ERCC2: variants seen among roughly 807,000 people sequenced by gnomAD.
ERCC2 encodes the protein ERCC excision repair 2, TFIIH core complex helicase subunit.
A neutral mutation model predicts 99.4 loss-of-function variants in ERCC2; 90 were observed. That is an observed-to-expected ratio of 0.91 (90% CI 0.76 to 1.08). The LOEUF (loss-of-function observed/expected upper bound fraction) is 1.08. ERCC2 is among the 50% of genes least tolerant of loss of function. The pLI, the probability that ERCC2 is intolerant of heterozygous loss-of-function variation, is 0.00. For missense variants in ERCC2, 993 were observed against 1,038.1 expected (o/e 0.96, Z 0.60); for synonymous variants, 497 against 432.4 (o/e 1.15, Z -1.85).
At chr19:45,361,163 C>T (rs1972206368) in intron 12 of ERCC2, among the ~76,000 whole-genome samples, 1 of 151,508 alleles carries the variant, frequency 6.6e-6, no homozygotes, top group South Asian at 2.1e-4. Context: ...TCTGACCTGG[C>T]ACCTTGCTTG....
Position 45,362,609 on chromosome 19 carries a change from C to A in ERCC2, c.1119-967G>T, listed in dbSNP as rs187787745. ...GCCTGGCTCCTCTAACCCCAGGCGC[C>A]TACCCCGGCTGGTCGCTAGCTGAGG... On this transcript the variant is annotated intron_variant, in intron 11 of 22. Coordinates refer to ENST00000391945, the MANE Select transcript of ERCC2 (RefSeq NM_000400.4). Among the ~76,000 whole-genome samples, 6 of 152,384 alleles carry A rather than the reference C, an allele frequency of 3.9e-5. No individual in the cohort carries two copies. In the East Asian group the frequency reaches 1.2e-3, roughly 29 times the overall value.
In ERCC2 at chr19:45,352,580, G is replaced by A. The variant is rs121913021; in HGVS notation, c.1972C>T (p.Arg658Cys). 3.0e-5 allele frequency: 49 copies of A among 1,614,044 alleles called. No individual in the cohort carries two copies. Among genetic ancestry groups the A allele is most frequent in the Middle Eastern group, 1.6e-4 (1 of 6,062 alleles). ...CGACCCACACACTGGGCCGCGTGGCGCATGGCATCGAAGGTAAGAAAGTCA... is the reference window on the plus strand; with the variant it reads ...CGACCCACACACTGGGCCGCGTGGCACATGGCATCGAAGGTAAGAAAGTCA... ...ENDFLTFDAMRHAAQCVGRAI... is the reference protein window; with the variant it reads ...ENDFLTFDAMCHAAQCVGRAI... Residue 658 changes from arginine to cysteine, a missense_variant, in exon 21 of 23, where the codon CGC becomes TGC. Coordinates refer to ENST00000391945, the MANE Select transcript of ERCC2 (RefSeq NM_000400.4).
chr19:45,369,538 C>T (rs933724513), intron 2 of ERCC2, among the ~76,000 whole-genome samples: 1 of 151,852 alleles, frequency 6.6e-6, no homozygotes, highest in Non-Finnish European at 1.5e-5. Context: ...TGTGGTGGCG[C>T]GCACCTGTAA....
In ERCC2 at chr19:45,351,700, G is replaced by C; in HGVS notation, c.2212C>G (p.Leu738Val). ...FHREDQLGLS[L>V]LSLEQLESEE... is the part of the protein sequence containing the mutation. ...GATTCTAGCTGCTCCAGGCTGAGCAGGGACAGGCCCAGCTGATCCTCCTGC... is the reference window on the plus strand; with the variant it reads ...GATTCTAGCTGCTCCAGGCTGAGCACGGACAGGCCCAGCTGATCCTCCTGC... Residue 738 changes from leucine (L) to valine (V), a missense_variant, in exon 23 of 23, where the codon CTG becomes GTG. By Grantham distance (32) the Leu-to-Val change is conservative. Coordinates refer to ENST00000391945, the MANE Select transcript of ERCC2 (RefSeq NM_000400.4). 6.2e-7 allele frequency: 1 copy of C among 1,613,910 alleles called. No homozygotes were observed. The highest frequency in any genetic ancestry group is 8.5e-7 in the Non-Finnish European group (1 of 1,180,008).
intron 16 of ERCC2, among the ~76,000 whole-genome samples, chr19:45,355,427 T>C (rs1416671147): frequency 6.6e-6 from 1 of 152,222 alleles, no homozygotes; most frequent in Non-Finnish European, 1.5e-5. Flanking sequence ...GTGACCACTG[T>C]GATCCCACCT....
chr19:45,355,062 T>C (rs914058741), intron 16 of ERCC2, among the ~76,000 whole-genome samples: 1 of 152,088 alleles, frequency 6.6e-6, no homozygotes, highest in Non-Finnish European at 1.5e-5. Flanking sequence ...GCCAATGAAA[T>C]GAGTGCAGAA....
In ERCC2 at chr19:45,364,875, C is replaced by T. The variant is rs772245022; in HGVS notation, c.557G>A (p.Arg186His). The stretch of plus-strand genomic sequence containing the variant: ...AAGGAAGTATGGGCACCAGCCCTGG[C>T]GCCGCCCCAGGGCCTTCAGGTCATC... ...NLDDLKALGR[R>H]QGWCPYFLAR... The change falls in exon 7 of 23, where the codon CGC becomes CAC. Residue 186 changes from arginine to histidine, a missense_variant. This residue lies in a region of ERCC2 where 909 missense variants were observed against 930.8 expected (regional missense o/e 0.98). Coordinates refer to ENST00000391945, the MANE Select transcript of ERCC2 (RefSeq NM_000400.4). 14 of 1,613,354 alleles carry T rather than the reference C, an allele frequency of 8.7e-6. No homozygotes were observed. The highest frequency in any genetic ancestry group is 3.3e-4 in the Middle Eastern group (2 of 6,084).
chr19:45,360,858 C>A (rs1972195663), intron 12 of ERCC2, among the ~76,000 whole-genome samples: 1 of 151,522 alleles, frequency 6.6e-6, no homozygotes, highest in African/African-American at 2.4e-5. Context: ...CTGGGCCGGG[C>A]ATGGTGGCTC....
At chr19:45,354,988 G>C in intron 16 of ERCC2, 137 bp from the exon 17 acceptor site, 2 of 1,120,756 alleles carry the variant, frequency 1.8e-6, no homozygotes, top group Non-Finnish European at 2.7e-6. Context: ...TCCTCCTCCC[G>C]GGCGTGTCTG....
chr19:45,355,769 A>G (rs1301829377), intron 15 of ERCC2, 41 bp from the exon 16 acceptor site: 3 of 1,570,316 alleles, frequency 1.9e-6, no homozygotes, highest in Non-Finnish European at 2.6e-6. Context: ...GGCAGCAGCA[A>G]CTGCTCCAGC....
Position 45,351,725 on chromosome 19 carries a change from C to A in ERCC2, c.2191-4G>T. 1 of 1,613,636 alleles carries A rather than the reference C, an allele frequency of 6.2e-7. No homozygotes were observed. Among genetic ancestry groups the A allele is most frequent in the South Asian group, 1.1e-5 (1 of 91,076 alleles). On this transcript the variant is annotated splice_region_variant and splice_polypyrimidine_tract_variant and intron_variant, in intron 22 of 22. Coordinates refer to ENST00000391945, the MANE Select transcript of ERCC2 (RefSeq NM_000400.4). Reference sequence around the variant, plus strand: ...GGGACAGGCCCAGCTGATCCTCCTGCAGAGAACAGAGGAAAGGGAGAGGGG... The same window carrying A: ...GGGACAGGCCCAGCTGATCCTCCTGAAGAGAACAGAGGAAAGGGAGAGGGG...
intron 1 of ERCC2, 140 bp from the exon 2 acceptor site, chr19:45,370,372 C>T (rs1338419457): frequency 1.5e-5 from 23 of 1,510,356 alleles, no homozygotes; most frequent in Admixed American, 4.1e-5. Flanking sequence ...CCTCGGGGCC[C>T]CCTCAGTGTC....
At position 45,369,010 on chromosome 19, in the gene ERCC2, A is replaced by G. The variant is rs1972519714; in HGVS notation, c.184-18T>C. The G allele has an allele frequency of 6.2e-7, 1 of 1,613,900 alleles. No homozygotes were observed. The highest frequency in any genetic ancestry group is 1.1e-5 in the South Asian group (1 of 91,080). On this transcript the variant is annotated intron_variant, in intron 3 of 22. Coordinates refer to ENST00000391945, the MANE Select transcript of ERCC2 (RefSeq NM_000400.4). ...GGATATGCCTGCCGATAACAAGCGG[A>G]CTCAGTCCCTGTCCCGCCCCTTCCT...
chr19:45,353,425 T>G (rs1208000304), intron 17 of ERCC2, 91 bp from the exon 18 acceptor site: 2 of 824,108 alleles, frequency 2.4e-6, no homozygotes, highest in Non-Finnish European at 4.1e-6. Flanking sequence ...CATCACCATG[T>G]CTCTGGGCCT....
chr19:45,370,519 C>G lies in ERCC2; in HGVS notation c.5+17G>C, dbSNP rs952870745. On this transcript the variant is annotated intron_variant, in intron 1 of 22. Transcript: ENST00000391945. ...CCCGCGCCCGCTAGCGAGCGCGACCCCCAGCCCCCTTCTCACTTCATGGCG... is the reference window on the plus strand; with the variant it reads ...CCCGCGCCCGCTAGCGAGCGCGACCGCCAGCCCCCTTCTCACTTCATGGCG... 1 of 1,587,874 alleles carries G rather than the reference C, an allele frequency of 6.3e-7. No homozygotes were observed. The highest frequency in any genetic ancestry group is 1.7e-5 in the Admixed American group (1 of 58,450).
chr19:45,365,189 C>A, intron 5 of ERCC2, 31 bp from the exon 6 acceptor site: 1 of 1,573,608 alleles, frequency 6.4e-7, no homozygotes, highest in Non-Finnish European at 8.7e-7. Context: ...AGCACCCAGA[C>A]AGGGTGGAAA....
intron 12 of ERCC2, chr19:45,358,361 G>A: frequency 5.1e-6 from 1 of 195,600 alleles, no homozygotes; most frequent in Non-Finnish European, 1.1e-5. Flanking sequence ...AAGCCGGGCA[G>A]CTCTGCCTCC....
chr19:45,352,912 G>T (rs1971865944), intron 19 of ERCC2, 96 bp from the exon 20 acceptor site: 3 of 1,311,080 alleles, frequency 2.3e-6, no homozygotes. Flanking sequence ...TCTGAGTTGG[G>T]GGGAGAGGGT....
At position 45,364,004 on chromosome 19, in the gene ERCC2, G is replaced by GCAGCACGGGGTTGGC. The variant is rs1430013949; in HGVS notation, c.916_930dup (p.Ala306_Leu310dup). 3 of 1,545,496 alleles carry GCAGCACGGGGTTGGC rather than the reference G, an allele frequency of 1.9e-6. No individual in the cohort carries two copies. The Admixed American group carries it at 5.9e-5, about 30-fold the overall frequency. On this transcript the variant is annotated inframe_insertion, in exon 10 of 23. Coordinates refer to ENST00000391945, the MANE Select transcript of ERCC2 (RefSeq NM_000400.4). ...GGCTCACCCTGCAGCACTTCGTCGG[G>GCAGCACGGGGTTGGC]CAGCACGGGGTTGGCCAGGTGGGCG...
Sources: gnomAD v4.1 joint callset for allele counts (sites outside exome capture counted in the v4.1 genomes callset) on GRCh38, gnomAD v4.1.1 for gene constraint, gnomAD v4.1.1 regional missense constraint, MANE v1.5 for transcripts, NCBI Gene and HGNC (gene_info 2026-07-23, HGNC 2026-07-21) for gene names.